The following PTPRK variants were observed in gnomAD, a reference collection of about 807,000 sequenced individuals.
PTPRK encodes protein tyrosine phosphatase receptor type K, also known as receptor-type tyrosine-protein phosphatase kappa.
Under a neutral mutation model 178.0 loss-of-function variants are expected in PTPRK, and 75 were observed. The ratio of observed to expected loss-of-function variants is 0.42; its 90% confidence interval spans 0.35 to 0.51. The LOEUF (loss-of-function observed/expected upper bound fraction) is 0.51, where lower values mean the gene tolerates loss of function less well. PTPRK is among the 20% of genes least tolerant of loss of function. PTPRK has a pLI of 0.02. For missense variants in PTPRK, 1,441 were observed against 1,797.8 expected (o/e 0.80, Z 3.59); for synonymous variants, 637 against 620.6 (o/e 1.03, Z -0.39).
At chr6:128,268,505 T>C (rs957173570) in intron 3 of PTPRK, among the ~76,000 whole-genome samples, 4 of 152,054 alleles carry the variant, frequency 2.6e-5, no homozygotes, top group Admixed American at 2.6e-4. Flanking sequence ...TTCTTGGGAA[T>C]GGGGTCCTTA....
chr6:128,324,878 C>T (rs1304126077), intron 2 of PTPRK, among the ~76,000 whole-genome samples: 1 of 152,162 alleles, frequency 6.6e-6, no homozygotes, highest in East Asian at 1.9e-4. Flanking sequence ...CTATTCTTAT[C>T]AACATCTAAA....
intron 21 of PTPRK, among the ~76,000 whole-genome samples, chr6:127,987,232 G>T (rs1776079829): frequency 1.4e-5 from 2 of 144,078 alleles, no homozygotes; most frequent in Non-Finnish European, 1.5e-5. Flanking sequence ...CAAATATGTG[G>T]TTAAAAAAAC....
At chr6:128,112,775 A>G (rs967726364) in intron 7 of PTPRK, among the ~76,000 whole-genome samples, 2 of 152,156 alleles carry the variant, frequency 1.3e-5, no homozygotes, top group African/African-American at 2.4e-5. Context: ...AATATAGTTT[A>G]GCACATAGAG....
intron 6 of PTPRK, among the ~76,000 whole-genome samples, chr6:128,216,443 G>A (rs1361487096): frequency 1.3e-5 from 2 of 151,538 alleles, no homozygotes; most frequent in South Asian, 2.1e-4. Context: ...GTTGAGGCAC[G>A]AGAATCACTT....
At chr6:128,516,242 T>G (rs1277997963) in intron 1 of PTPRK, among the ~76,000 whole-genome samples, 2 of 152,082 alleles carry the variant, frequency 1.3e-5, no homozygotes, top group Non-Finnish European at 2.9e-5. Context: ...GAAATTCACT[T>G]TTATGAGCAC....
intron 1 of PTPRK, among the ~76,000 whole-genome samples, chr6:128,469,633 C>T (rs987262101): frequency 6.6e-6 from 1 of 152,092 alleles, no homozygotes; most frequent in Non-Finnish European, 1.5e-5. Context: ...GAATAATGCG[C>T]CCCCAACAAA....
At chr6:128,292,325 G>C (rs1379037186) in intron 3 of PTPRK, among the ~76,000 whole-genome samples, 2 of 151,862 alleles carry the variant, frequency 1.3e-5, no homozygotes, top group Non-Finnish European at 2.9e-5. Context: ...TCTTCTCATA[G>C]TATTTATTTA....
chr6:128,077,162 T>C (rs1006357583), intron 11 of PTPRK, among the ~76,000 whole-genome samples: 1 of 152,042 alleles, frequency 6.6e-6, no homozygotes, highest in Non-Finnish European at 1.5e-5. Context: ...AGTGAACACC[T>C]AAAAAGTAAA....
intron 1 of PTPRK, among the ~76,000 whole-genome samples, chr6:128,477,068 G>A (rs1197382083): frequency 6.6e-6 from 1 of 151,836 alleles, no homozygotes; most frequent in Non-Finnish European, 1.5e-5. Context: ...AAGCCAAGAA[G>A]GATAAAAATG....
At chr6:128,421,197 A>C (rs969091202) in intron 1 of PTPRK, among the ~76,000 whole-genome samples, 2 of 152,222 alleles carry the variant, frequency 1.3e-5, no homozygotes, top group Non-Finnish European at 2.9e-5. Context: ...ATGTATTAGA[A>C]TATTTTATCT....
intron 1 of PTPRK, among the ~76,000 whole-genome samples, chr6:128,459,262 G>C (rs1372760175): frequency 6.6e-6 from 1 of 152,036 alleles, no homozygotes; most frequent in African/African-American, 2.4e-5. Flanking sequence ...TAATGGTCAG[G>C]GCATGGCATC....
At chr6:128,313,884 G>C (rs763691991) in intron 3 of PTPRK, among the ~76,000 whole-genome samples, 4 of 152,172 alleles carry the variant, frequency 2.6e-5, no homozygotes, top group Non-Finnish European at 5.9e-5. Flanking sequence ...ATGAGACTAA[G>C]AATGAGTAAA....
At chr6:128,469,535 T>C (rs985100983) in intron 1 of PTPRK, among the ~76,000 whole-genome samples, 18 of 152,214 alleles carry the variant, frequency 1.2e-4, no homozygotes, top group African/African-American at 4.1e-4. Context: ...TAACTTGATA[T>C]CTATGCCTCC....
intron 1 of PTPRK, among the ~76,000 whole-genome samples, chr6:128,480,491 C>T (rs1482031962): frequency 6.6e-6 from 1 of 152,132 alleles, no homozygotes; most frequent in Non-Finnish European, 1.5e-5. Context: ...CGTGCTCTAT[C>T]CATTCCTCTT....
At chr6:128,329,199 C>G (rs1829952819) in intron 2 of PTPRK, among the ~76,000 whole-genome samples, 1 of 152,052 alleles carries the variant, frequency 6.6e-6, no homozygotes, top group Admixed American at 6.6e-5. Context: ...TATGTTGAGT[C>G]TACTTCACTC....
At chr6:128,100,052 G>A (rs150109864) in intron 7 of PTPRK, among the ~76,000 whole-genome samples, 56 of 152,028 alleles carry the variant, frequency 3.7e-4, no homozygotes, top group African/African-American at 1.3e-3. Flanking sequence ...CCTATCTAGT[G>A]CACCAAAACA....
intron 1 of PTPRK, among the ~76,000 whole-genome samples, chr6:128,517,538 G>A (rs750793729): frequency 1.2e-4 from 19 of 152,218 alleles, no homozygotes; most frequent in Non-Finnish European, 2.4e-4. Context: ...GAATGTATGA[G>A]TTGGGATTTA....
intron 2 of PTPRK, among the ~76,000 whole-genome samples, chr6:128,370,174 C>T (rs536464024): frequency 2.0e-5 from 3 of 152,100 alleles, no homozygotes; most frequent in South Asian, 2.1e-4. Flanking sequence ...AAAAGTGGTT[C>T]GACGATAATA....
intron 2 of PTPRK, among the ~76,000 whole-genome samples, chr6:128,331,506 T>A (rs564880126): frequency 6.6e-6 from 1 of 151,992 alleles, no homozygotes; most frequent in Non-Finnish European, 1.5e-5. Flanking sequence ...AAATTTGAAA[T>A]GATAATAAGC....
Sources: allele counts gnomAD v4.1 joint callset (sites outside exome capture counted in the v4.1 genomes callset), GRCh38; gene constraint gnomAD v4.1.1; transcripts MANE v1.5; gene names NCBI Gene and HGNC (gene_info 2026-07-23, HGNC 2026-07-21).